The following ABLIM1 variants were observed in gnomAD, a reference collection of about 807,000 sequenced individuals.
ABLIM1 encodes the protein actin binding LIM protein 1, also known as actin-binding LIM protein 1.
Under a neutral mutation model 107.0 loss-of-function variants are expected in ABLIM1, and 40 were observed. The ratio of observed to expected loss-of-function variants is 0.37; its 90% CI spans 0.29 to 0.49. The LOEUF (loss-of-function observed/expected upper bound fraction) is 0.49, where lower values mean the gene tolerates loss of function less well. ABLIM1 is among the 20% of genes least tolerant of loss of function. The probability of loss-of-function intolerance (pLI) is 0.97; values close to 1 mark genes in which losing one functional copy is unlikely to be tolerated. For missense variants in ABLIM1, 857 were observed against 1,008.5 expected (o/e 0.85, Z 2.04); for synonymous variants, 357 against 357.3 (o/e 1.00, Z 0.01).
At chr10:114,503,755 T>C (rs2060751114) in intron 6 of ABLIM1, among the ~76,000 whole-genome samples, 2 of 152,226 alleles carry the variant, frequency 1.3e-5, no homozygotes. Flanking sequence ...AAAGTGTTTT[T>C]CTAACCTCTG....
At chr10:114,644,329 A>ATT (rs1158947105) in intron 1 of ABLIM1, among the ~76,000 whole-genome samples, 1 of 114,956 alleles carries the variant, frequency 8.7e-6, no homozygotes, top group Admixed American at 9.0e-5. Context: ...ATATATATAT[A>ATT]TGTGTATATA....
chr10:114,472,866 G>T, intron 10 of ABLIM1, 111 bp downstream of exon 10: 1 of 1,133,150 alleles, frequency 8.8e-7, no homozygotes, highest in Non-Finnish European at 1.2e-6. Flanking sequence ...GCAAATACTA[G>T]GCAGACAAAA....
intron 1 of ABLIM1, among the ~76,000 whole-genome samples, chr10:114,747,444 A>G (rs760745063): frequency 6.6e-6 from 1 of 152,168 alleles, no homozygotes; most frequent in Non-Finnish European, 1.5e-5. Context: ...CAAAGAGTTC[A>G]TCTCTTCCCT....
intron 1 of ABLIM1, among the ~76,000 whole-genome samples, chr10:114,625,843 G>A (rs2077756994): frequency 6.6e-6 from 1 of 152,180 alleles, no homozygotes; most frequent in Non-Finnish European, 1.5e-5. Flanking sequence ...GACCTCCTGT[G>A]AGTCTCCTTT....
At chr10:114,661,150 C>A (rs574843085), upstream of ABLIM1, among the ~76,000 whole-genome samples, 2 of 152,184 alleles carry the variant, frequency 1.3e-5, no homozygotes, top group East Asian at 3.9e-4. Flanking sequence ...CGGAATTATA[C>A]GTAAGAATTT....
At chr10:114,496,878 G>A (rs2059736130) in intron 6 of ABLIM1, among the ~76,000 whole-genome samples, 1 of 152,078 alleles carries the variant, frequency 6.6e-6, no homozygotes, top group Non-Finnish European at 1.5e-5. Flanking sequence ...AGACAAAGGA[G>A]GCCCTCCTTC....
chr10:114,732,046 A>G (rs776965712), intron 1 of ABLIM1, among the ~76,000 whole-genome samples: 5 of 152,094 alleles, frequency 3.3e-5, no homozygotes, highest in Non-Finnish European at 4.4e-5. Flanking sequence ...CTCACCAGCA[A>G]TGTATTAGTG....
chr10:114,609,594 T>C (rs1257639886), intron 1 of ABLIM1, among the ~76,000 whole-genome samples: 1 of 152,258 alleles, frequency 6.6e-6, no homozygotes, highest in Admixed American at 6.5e-5. Context: ...AGTTCTGATA[T>C]TGATTTCAAA....
At chr10:114,512,766 G>C (rs1009588918) in intron 6 of ABLIM1, among the ~76,000 whole-genome samples, 1 of 151,368 alleles carries the variant, frequency 6.6e-6, no homozygotes, top group African/African-American at 2.4e-5. Flanking sequence ...TGGAGGTTGC[G>C]GTGAGCCGAG....
At chr10:114,518,882 T>C (rs1045568721) in intron 6 of ABLIM1, among the ~76,000 whole-genome samples, 1 of 151,922 alleles carries the variant, frequency 6.6e-6, no homozygotes, top group Non-Finnish European at 1.5e-5. Flanking sequence ...TGGACAATCA[T>C]CAACAATCTT....
intron 2 of ABLIM1, among the ~76,000 whole-genome samples, chr10:114,598,306 G>A (rs1005805872): frequency 1.3e-5 from 2 of 148,336 alleles, no homozygotes; most frequent in African/African-American, 5.0e-5. Context: ...GGAAATGTGC[G>A]GCCGGGTGCA....
intron 1 of ABLIM1, among the ~76,000 whole-genome samples, chr10:114,638,639 AC>A (rs2078595680): frequency 7.2e-6 from 1 of 138,698 alleles, no homozygotes; most frequent in Non-Finnish European, 1.5e-5. Context: ...ACACACACAC[AC>A]ACACACACAC....
At chr10:114,440,383 C>T (rs1589673592) in intron 19 of ABLIM1, among the ~76,000 whole-genome samples, 2 of 152,168 alleles carry the variant, frequency 1.3e-5, no homozygotes, top group South Asian at 2.1e-4. Context: ...ATCACACAGA[C>T]CTTCTTTCTG....
intron 6 of ABLIM1, among the ~76,000 whole-genome samples, chr10:114,525,869 T>TC (rs1835770497): frequency 6.6e-6 from 1 of 152,248 alleles, no homozygotes; most frequent in African/African-American, 2.4e-5. Context: ...AATCTATTTT[T>TC]TTCACAGATG....
intron 1 of ABLIM1, among the ~76,000 whole-genome samples, chr10:114,705,807 C>T (rs892425632): frequency 3.9e-5 from 6 of 152,070 alleles, no homozygotes; most frequent in African/African-American, 1.2e-4. Context: ...AAAATCATAA[C>T]AAAAAATTTG....
intron 6 of ABLIM1, among the ~76,000 whole-genome samples, chr10:114,537,269 A>C (rs1419422423): frequency 6.6e-6 from 1 of 152,178 alleles, no homozygotes; most frequent in Admixed American, 6.5e-5. Flanking sequence ...TTATTGATAC[A>C]TAATATTTTA....
intron 12 of ABLIM1, chr10:114,463,009 A>G: frequency 7.6e-7 from 1 of 1,309,144 alleles, no homozygotes; most frequent in Non-Finnish European, 1.0e-6. Context: ...AATCTCCACT[A>G]TGCAGGGTGC....
At chr10:114,697,092 A>C (rs1480150673) in intron 1 of ABLIM1, among the ~76,000 whole-genome samples, 2 of 152,176 alleles carry the variant, frequency 1.3e-5, no homozygotes, top group East Asian at 1.9e-4. Flanking sequence ...TGGGGGAGGA[A>C]GGAAGAGAAC....
At chr10:114,588,587 A>T (rs990056714) in intron 2 of ABLIM1, among the ~76,000 whole-genome samples, 7 of 134,826 alleles carry the variant, frequency 5.2e-5, no homozygotes, top group African/African-American at 2.0e-4. Context: ...CTCTACCTCC[A>T]CAGTTCAAGC....
Sources: gnomAD v4.1 joint callset for allele counts (sites outside exome capture counted in the v4.1 genomes callset) on GRCh38, gnomAD v4.1.1 for gene constraint, MANE v1.5 for transcripts, NCBI Gene and HGNC (gene_info 2026-07-23, HGNC 2026-07-21) for gene names.